The following ZSCAN30 variants were observed in gnomAD, a reference collection of about 807,000 sequenced individuals.
The protein encoded by ZSCAN30 is zinc finger and SCAN domain containing 30, also known as zinc finger and SCAN domain-containing protein 30.
ZSCAN30 carries 37 observed loss-of-function variants against 44.3 expected under a neutral mutation model. The observed-to-expected ratio is 0.84, with a 90% CI of 0.64 to 1.10. The LOEUF is 1.10. ZSCAN30 is among the 50% of genes least tolerant of loss of function. ZSCAN30 has a pLI of 0.00. For synonymous variants in ZSCAN30, 181 were observed against 204.6 expected, an observed-to-expected ratio of 0.88 and a Z score of 0.98; for missense variants, 549 against 582.6, an observed-to-expected ratio of 0.94 and a Z score of 0.59.
Position 35,253,842 on chromosome 18 carries a change from C to T in ZSCAN30, c.1093G>A (p.Ala365Thr). The change falls in exon 4 of 4, where the codon GCC becomes ACC. Residue 365 changes from alanine (A) to threonine (T), a missense_variant. Transcript: ENST00000333206. ...ATGAGCTCTGAACTGCCCCTGAAGG[C>T]TTTTCCACATTCACAACATTCATAG... ...KPYECCECGK[A>T]FRGSSELIRH... 2 of 1,614,176 alleles carry T rather than the reference C, an allele frequency of 1.2e-6. No individual in the cohort carries two copies. The highest frequency in any genetic ancestry group is 1.7e-6 in the Non-Finnish European group (2 of 1,180,034).
intron 1 of ZSCAN30, among the ~76,000 whole-genome samples, chr18:35,271,423 G>A (rs947570587): frequency 6.6e-6 from 1 of 152,226 alleles, no homozygotes. Flanking sequence ...TAGACAAAGA[G>A]CACTGATTGG....
At chr18:35,286,785 T>G (rs1598659798) in intron 1 of ZSCAN30, among the ~76,000 whole-genome samples, 1 of 152,146 alleles carries the variant, frequency 6.6e-6, no homozygotes, top group Non-Finnish European at 1.5e-5. Context: ...TACATAAAGA[T>G]CAATTTTACT....
At chr18:35,276,754 G>C (rs1411778515) in intron 1 of ZSCAN30, among the ~76,000 whole-genome samples, 1 of 152,248 alleles carries the variant, frequency 6.6e-6, no homozygotes, top group South Asian at 2.1e-4. Flanking sequence ...TGCTAGAGCA[G>C]TATGGAAGGG....
rs557358577 is a variant in ZSCAN30 at position 35,254,000 on chromosome 18, T to C, written c.935A>G (p.Gln312Arg). ...CTGATGTCTAATCAGCTTTGAGCTC[T>C]GGCAAAAGGCCTTCCCACAGTCAAA... is the stretch of plus-strand genomic sequence containing the variant. ...ECFDCGKAFC[Q>R]SSKLIRHQRI... Residue 312 changes from glutamine (Q) to arginine (R), a missense_variant, in exon 4 of 4, where the codon CAG (glutamine) becomes CGG (arginine). By Grantham distance (43) the Gln-to-Arg change is conservative. Transcript: ENST00000333206. The C allele has an allele frequency of 2.6e-5, 42 of 1,614,170 alleles. No individual in the cohort carries two copies. The South Asian group carries it at 4.0e-4, about 15-fold the overall frequency.
chr18:35,263,517 C>T lies in ZSCAN30; in HGVS notation c.549G>A (p.Glu183=), dbSNP rs1336459636. The change falls in exon 3 of 4, where the codon GAG becomes GAA. Residue 183 remains glutamate, a synonymous_variant. Transcript: ENST00000333206. ...TETQESQAFQ[E]RDGRMVAGKV... is the part of the protein sequence containing the mutation. Reference sequence around the variant, plus strand: ...ACATGGACTGGGGCTTCTCACCTCTCTCCTGGAAAGCCTGGGACTCCTGAG... The same window carrying T: ...ACATGGACTGGGGCTTCTCACCTCTTTCCTGGAAAGCCTGGGACTCCTGAG... 1.9e-6 allele frequency: 3 copies of T among 1,614,204 alleles called. No individual in the cohort carries two copies. Among genetic ancestry groups the T allele is most frequent in the Non-Finnish European group, 2.5e-6 (3 of 1,180,030 alleles).
intron 1 of ZSCAN30, chr18:35,283,154 A>C (rs998546835): frequency 1.3e-5 from 2 of 152,110 alleles, no homozygotes; most frequent in African/African-American, 2.4e-5. Flanking sequence ...AGGCTGAGGC[A>C]GGCGGATCAC....
chr18:35,258,004 A>G (rs2043898898), intron 3 of ZSCAN30: 3 of 780,932 alleles, frequency 3.8e-6, no homozygotes, highest in South Asian at 1.3e-5. Flanking sequence ...CTGGCAAGGC[A>G]TATCATGAGG....
At chr18:35,261,111 C>T (rs1024188049) in intron 3 of ZSCAN30, 9 of 152,138 alleles carry the variant, frequency 5.9e-5, no homozygotes, top group Admixed American at 1.3e-4. Flanking sequence ...AATAGGTAAT[C>T]CTTTCCCCAT....
At chr18:35,287,249 T>C (rs2044568113) in intron 1 of ZSCAN30, among the ~76,000 whole-genome samples, 1 of 152,168 alleles carries the variant, frequency 6.6e-6, no homozygotes, top group African/African-American at 2.4e-5. Context: ...CCCATATTGA[T>C]CTACAGATTC....
chr18:35,254,411 C>A, intron 3 of ZSCAN30, 30 bp from the exon 4 acceptor site: 1 of 1,613,704 alleles, frequency 6.2e-7, no homozygotes, highest in South Asian at 1.1e-5. Context: ...GTGTAAGTAT[C>A]ATTTACTTCC....
intron 1 of ZSCAN30, chr18:35,282,335 A>G (rs2143773721): frequency 6.6e-6 from 1 of 152,314 alleles, no homozygotes; most frequent in Non-Finnish European, 1.5e-5. Flanking sequence ...GTTATGTGAT[A>G]GTAGTGTTAT....
In ZSCAN30 at chr18:35,253,565, G is replaced by T. The variant is rs531011605; in HGVS notation, c.1370C>A (p.Thr457Asn). ...GKSFNQSSAL[T>N]QHQRIHTGEK... Reference sequence around the variant, plus strand: ...TCCAGTGTGAATTCTCTGGTGCTGGGTGAGGGCTGAGCTCTGATTGAAGGA... The same window carrying T: ...TCCAGTGTGAATTCTCTGGTGCTGGTTGAGGGCTGAGCTCTGATTGAAGGA... The change falls in exon 4 of 4, where the codon ACC becomes AAC. Residue 457 changes from threonine to asparagine, a missense_variant. Transcript: ENST00000333206. 11 of 1,612,736 alleles carry T rather than the reference G, an allele frequency of 6.8e-6. No homozygotes were observed. The highest frequency in any genetic ancestry group is 1.3e-5 in the African/African-American group (1 of 74,506).
At chr18:35,277,668 C>T (rs576406063) in intron 1 of ZSCAN30, among the ~76,000 whole-genome samples, 7 of 152,270 alleles carry the variant, frequency 4.6e-5, no homozygotes, top group African/African-American at 1.7e-4. Flanking sequence ...AATTAAACAT[C>T]TTTCCTTTAT....
At chr18:35,274,259 G>A (rs545582338) in intron 1 of ZSCAN30, among the ~76,000 whole-genome samples, 7 of 152,026 alleles carry the variant, frequency 4.6e-5, no homozygotes, top group South Asian at 4.2e-4. Context: ...GGATGGTCTC[G>A]ATCTCCTGAC....
intron 3 of ZSCAN30, chr18:35,261,297 C>T (rs1043856400): frequency 6.6e-6 from 1 of 152,104 alleles, no homozygotes; most frequent in African/African-American, 2.4e-5. Context: ...ATGCCTCCAG[C>T]TTTGTTCTTT....
At position 35,254,137 on chromosome 18, in the gene ZSCAN30, G is replaced by A. The variant is rs781164485; in HGVS notation, c.798C>T (p.Ile266=). The A allele has an allele frequency of 1.9e-6, 3 of 1,614,134 alleles. No homozygotes were observed. Among genetic ancestry groups the A allele is most frequent in the African/African-American group, 1.3e-5 (1 of 75,036 alleles). Residue 266 remains isoleucine (I), a synonymous_variant, in exon 4 of 4, where the codon ATC becomes ATT. Transcript: ENST00000333206. ...ATTCAAGGACACTGTGTTCTGTGGGGATTCTTCTGTTGAAGGTTGCCAGAC... is the reference window on the plus strand; with the variant it reads ...ATTCAAGGACACTGTGTTCTGTGGGAATTCTTCTGTTGAAGGTTGCCAGAC... ...HFSLATFNRR[I]PTEHSVLESH...
intron 1 of ZSCAN30, among the ~76,000 whole-genome samples, chr18:35,280,122 A>C (rs1286237185): frequency 6.6e-6 from 1 of 152,138 alleles, no homozygotes. Flanking sequence ...AAAAAAATAG[A>C]AAAATTAGCC....
At position 35,276,275 on chromosome 18, in the gene ZSCAN30, C is replaced by A. The variant is rs182468403; in HGVS notation, c.-103-11820G>T. Among the ~76,000 whole-genome samples the A allele has an allele frequency of 2.3e-4, 35 of 150,636 alleles. No individual in the cohort carries two copies. In the East Asian group the frequency reaches 2.7e-3, roughly 12 times the overall value. ...AATTCACCAGTGAAGCCCTTGGGGC[C>A]TGGGCTTTTCTTTGTGTGCCTTTTT... On this transcript the variant is annotated intron_variant, in intron 1 of 3. Transcript: ENST00000333206.
intron 1 of ZSCAN30, chr18:35,285,263 G>A (rs528795111): frequency 9.0e-6 from 1 of 110,860 alleles, no homozygotes; most frequent in African/African-American, 3.2e-5. Flanking sequence ...AATTAAAACT[G>A]ATAGAATCAC....
Sources: gnomAD v4.1 joint callset for allele counts (sites outside exome capture counted in the v4.1 genomes callset) on GRCh38, gnomAD v4.1.1 for gene constraint, MANE v1.5 for transcripts, NCBI Gene and HGNC (gene_info 2026-07-23, HGNC 2026-07-21) for gene names.